Variants in KCTD8 observed in about 807,000 individuals in gnomAD.
KCTD8 encodes potassium channel tetramerization domain containing 8, also known as BTB/POZ domain-containing protein KCTD8.
Under a neutral mutation model 31.5 loss-of-function variants are expected in KCTD8, and 27 were observed. The ratio of observed to expected loss-of-function variants is 0.86; its 90% CI spans 0.63 to 1.18. The LOEUF is 1.18. KCTD8 is among the 50% of genes most tolerant of loss of function. The pLI is 0.00. For missense variants in KCTD8, 658 were observed against 647.7 expected (o/e 1.02, Z -0.17); for synonymous variants, 290 against 280.0 (o/e 1.04, Z -0.36).
chr4:44,365,121 C>T (rs898951371), intron 1 of KCTD8, among the ~76,000 whole-genome samples: 4 of 152,030 alleles, frequency 2.6e-5, no homozygotes, highest in Non-Finnish European at 4.4e-5. Context: ...ACAAATATAT[C>T]ACACTAATGC....
intron 1 of KCTD8, among the ~76,000 whole-genome samples, chr4:44,323,502 C>CG (rs1313573016): frequency 8.0e-6 from 1 of 125,402 alleles, no homozygotes; most frequent in African/African-American, 2.9e-5. Context: ...CCCCACCCAC[C>CG]CCCCCCCAAA....
At position 44,195,540 on chromosome 4, in the gene KCTD8, T is replaced by C. The variant is rs1250760863; in HGVS notation, c.962-20290A>G. The stretch of plus-strand genomic sequence containing the variant: ...AGATCAAAGAGCAAATGAGAATTGC[T>C]GATGTTTGTTTTTTATTGGTTTCGT... On this transcript the variant is annotated intron_variant, in intron 1 of 1. Transcript: ENST00000360029. Among the ~76,000 whole-genome samples, 5 of 152,314 alleles carry C rather than the reference T, an allele frequency of 3.3e-5. No individual in the cohort carries two copies. The East Asian group carries it at 9.6e-4, about 29-fold the overall frequency.
chr4:44,222,830 C>T (rs1465420890), intron 1 of KCTD8, among the ~76,000 whole-genome samples: 1 of 152,074 alleles, frequency 6.6e-6, no homozygotes, highest in Non-Finnish European at 1.5e-5. Context: ...GAAGCAAAAA[C>T]GAGCTTGACT....
At chr4:44,329,023 T>C (rs1426223880) in intron 1 of KCTD8, among the ~76,000 whole-genome samples, 1 of 151,916 alleles carries the variant, frequency 6.6e-6, no homozygotes, top group Non-Finnish European at 1.5e-5. Flanking sequence ...TTTCTTATAG[T>C]CTTGCTAAGT....
chr4:44,260,428 A>T (rs1716128514), intron 1 of KCTD8, among the ~76,000 whole-genome samples: 1 of 151,964 alleles, frequency 6.6e-6, no homozygotes. Context: ...TAATAAACAA[A>T]AGTATATAAA....
At chr4:44,354,553 C>T (rs1330342682) in intron 1 of KCTD8, among the ~76,000 whole-genome samples, 1 of 152,128 alleles carries the variant, frequency 6.6e-6, no homozygotes, top group East Asian at 1.9e-4. Flanking sequence ...ACCTCCTCTT[C>T]CTGGATCATT....
chr4:44,447,620 CGAA>C lies in KCTD8; in HGVS notation c.901_903del (p.Phe301del). ...ATCTTGTCGTCGCGGTACTGGTTGA[CGAA>C]GGCGGCGGTGCCCGAGGAGTTACAC... is the stretch of plus-strand genomic sequence containing the variant. On this transcript the variant is annotated inframe_deletion, in exon 1 of 2. Coordinates refer to ENST00000360029, the MANE Select transcript of KCTD8 (RefSeq NM_198353.3). 1.2e-6 allele frequency: 2 copies of C among 1,605,126 alleles called. No individual in the cohort carries two copies. The highest frequency in any genetic ancestry group is 1.7e-5 in the Admixed American group (1 of 58,598).
At chr4:44,440,942 A>G (rs1489251492) in intron 1 of KCTD8, among the ~76,000 whole-genome samples, 1 of 152,202 alleles carries the variant, frequency 6.6e-6, no homozygotes, top group African/African-American at 2.4e-5. Context: ...AAACTTATAA[A>G]TGATATACAC....
intron 1 of KCTD8, among the ~76,000 whole-genome samples, chr4:44,428,634 C>G (rs1315991391): frequency 2.6e-5 from 4 of 151,724 alleles, no homozygotes; most frequent in African/African-American, 7.3e-5. Flanking sequence ...ATCCACAGAC[C>G]TCCAAAAGGT....
intron 1 of KCTD8, among the ~76,000 whole-genome samples, chr4:44,398,616 T>C (rs752002554): frequency 5.3e-5 from 8 of 152,158 alleles, no homozygotes; most frequent in Non-Finnish European, 8.8e-5. Flanking sequence ...CTTAGGTCTA[T>C]CACAGAATTA....
intron 1 of KCTD8, among the ~76,000 whole-genome samples, chr4:44,187,145 A>T (rs1713613343): frequency 6.6e-6 from 1 of 152,214 alleles, no homozygotes; most frequent in Non-Finnish European, 1.5e-5. Flanking sequence ...CTTTTAGTTT[A>T]TTAAAGAGAA....
chr4:44,381,747 G>A (rs1186339654), intron 1 of KCTD8, among the ~76,000 whole-genome samples: 1 of 151,918 alleles, frequency 6.6e-6, no homozygotes, highest in Non-Finnish European at 1.5e-5. Context: ...GTTTAAAAGT[G>A]TGTGGTGCCT....
At chr4:44,287,415 T>C (rs1817777) in intron 1 of KCTD8, among the ~76,000 whole-genome samples, 1 of 152,182 alleles carries the variant, frequency 6.6e-6, no homozygotes, top group Admixed American at 6.6e-5. Context: ...AAGATCATGT[T>C]TACAAACTTA....
intron 1 of KCTD8, among the ~76,000 whole-genome samples, chr4:44,315,223 A>G (rs1718071594): frequency 6.6e-6 from 1 of 151,860 alleles, no homozygotes; most frequent in Non-Finnish European, 1.5e-5. Flanking sequence ...AATATTATCT[A>G]TTTTACCCTG....
In KCTD8 at chr4:44,447,617, T is replaced by G. The variant is rs758905704; in HGVS notation, c.907A>C (p.Asn303His). Residue 303 changes from asparagine to histidine, a missense_variant, in exon 1 of 2, where the codon AAC becomes CAC. By Grantham distance (68) the Asn-to-His change is moderately conservative. Coordinates refer to ENST00000360029, the MANE Select transcript of KCTD8 (RefSeq NM_198353.3). ...CNSSGTAAFVNQYRDDKIWSS... is the reference protein window; with the variant it reads ...CNSSGTAAFVHQYRDDKIWSS... ...CAGATCTTGTCGTCGCGGTACTGGT[T>G]GACGAAGGCGGCGGTGCCCGAGGAG... 3 of 1,605,344 alleles carry G rather than the reference T, an allele frequency of 1.9e-6. No individual in the cohort carries two copies. The highest frequency in any genetic ancestry group is 1.1e-5 in the South Asian group (1 of 89,284).
chr4:44,225,063 T>C (rs1194792946), intron 1 of KCTD8, among the ~76,000 whole-genome samples: 1 of 152,216 alleles, frequency 6.6e-6, no homozygotes, highest in Admixed American at 6.5e-5. Context: ...CTCCACCTTA[T>C]CAGCAGGGAG....
intron 1 of KCTD8, among the ~76,000 whole-genome samples, chr4:44,309,469 T>C (rs75632604): frequency 6.6e-6 from 1 of 152,208 alleles, no homozygotes; most frequent in Non-Finnish European, 1.5e-5. Context: ...TTGGAAGATA[T>C]ATCTTTTACA....
At chr4:44,305,575 C>T (rs1321716193) in intron 1 of KCTD8, among the ~76,000 whole-genome samples, 4 of 151,394 alleles carry the variant, frequency 2.6e-5, no homozygotes, top group Non-Finnish European at 5.9e-5. Context: ...ATTGAGAAAG[C>T]TCTGAGAAAA....
intron 1 of KCTD8, among the ~76,000 whole-genome samples, chr4:44,314,892 G>GAAA (rs79225319): frequency 7.1e-6 from 1 of 141,300 alleles, no homozygotes; most frequent in African/African-American, 2.6e-5. Flanking sequence ...AAAAAAACAG[G>GAAA]AAAAAAAAAA....
Sources: allele counts gnomAD v4.1 joint callset (sites outside exome capture counted in the v4.1 genomes callset), GRCh38; gene constraint gnomAD v4.1.1; transcripts MANE v1.5; gene names NCBI Gene and HGNC (gene_info 2026-07-23, HGNC 2026-07-21).